ARL5C: variants seen among roughly 807,000 people sequenced by gnomAD.
ARL5C encodes the protein putative ADP-ribosylation factor-like protein 5C.
A neutral mutation model predicts 20.8 loss-of-function variants in ARL5C; 21 were observed. The ratio of observed to expected loss-of-function variants is 1.01; its 90% CI spans 0.72 to 1.46. The LOEUF is 1.46. ARL5C is among the 40% of genes most tolerant of loss of function. The probability of loss-of-function intolerance (pLI) is 0.00; values close to 1 mark genes in which losing one functional copy is unlikely to be tolerated. For missense variants in ARL5C, 199 were observed against 225.1 expected, an observed-to-expected ratio of 0.88 and a Z score of 0.74; for synonymous variants, 71 against 81.6, an observed-to-expected ratio of 0.87 and a Z score of 0.70.
Position 39,162,771 on chromosome 17 carries a change from C to T in ARL5C, c.195G>A (p.Trp65Ter). ...IILPKTHFFMWDIVRPEALSF... is the reference protein window; with the variant it reads ...IILPKTHFFM ...TCAGAGCCTCAGGTCTCACTATGTC[C>T]CACATGAAGAAGTGGGTCTTCGGCA... The change falls in exon 3 of 6, where the codon TGG becomes TGA. Residue 65 changes from tryptophan to a stop codon, truncating the protein, a stop_gained. Coordinates refer to ENST00000269586, the MANE Select transcript of ARL5C (RefSeq NM_001143968.1). LOFTEE classifies it high-confidence loss of function. 6.4e-7 allele frequency: 1 copy of T among 1,551,676 alleles called. No individual in the cohort carries two copies. The highest frequency in any genetic ancestry group is 1.7e-4 in the Middle Eastern group (1 of 5,956).
At chr17:39,165,571 AG>A in intron 1 of ARL5C, 143 bp downstream of exon 1, 1 of 989,396 alleles carries the variant, frequency 1.0e-6, no homozygotes, top group Non-Finnish European at 1.5e-6. Flanking sequence ...GGACGGGGGC[AG>A]GGGAGGCCGC....
chr17:39,164,983 C>T, intron 2 of ARL5C, 96 bp downstream of exon 2: 2 of 1,331,948 alleles, frequency 1.5e-6, no homozygotes, highest in Non-Finnish European at 2.1e-6. Context: ...CAGAGGAGCC[C>T]GGGAACCCAG....
intron 2 of ARL5C, chr17:39,164,323 G>T (rs2045452382): frequency 6.6e-6 from 1 of 152,174 alleles, no homozygotes; most frequent in South Asian, 2.1e-4. Context: ...AAATGAGACA[G>T]ACACAGTGAG....
chr17:39,160,301 C>T (rs1267308397), intron 5 of ARL5C: 3 of 289,388 alleles, frequency 1.0e-5, no homozygotes, highest in Non-Finnish European at 1.9e-5. Context: ...CCAGCCTGGG[C>T]AACAAAGAGC....
At chr17:39,165,616 G>A (rs574389054) in intron 1 of ARL5C, 99 bp downstream of exon 1, 111 of 1,479,414 alleles carry the variant, frequency 7.5e-5, no homozygotes, top group Non-Finnish European at 9.3e-5. Context: ...TACGACCCTC[G>A]GAGCCCGAGG....
At chr17:39,163,345 C>CCTTCCTTTCTTTCTTTCTTTCTTT (rs1555576104) in intron 2 of ARL5C, among the ~76,000 whole-genome samples, 8 of 136,740 alleles carry the variant, frequency 5.9e-5, no homozygotes, top group South Asian at 2.6e-4. Flanking sequence ...CAGGCTTTTG[C>CCTTCCTTTCTTTCTTTCTTTCTTT]CTTTCTTTCT....
At chr17:39,164,149 C>A (rs1209207019) in intron 2 of ARL5C, 1 of 152,050 alleles carries the variant, frequency 6.6e-6, no homozygotes, top group African/African-American at 2.4e-5. Flanking sequence ...CTCTTGAACT[C>A]CTGATCTCAG....
chr17:39,158,969 T>C (rs2045420203), intron 5 of ARL5C, among the ~76,000 whole-genome samples: 1 of 149,520 alleles, frequency 6.7e-6, no homozygotes, highest in Non-Finnish European at 1.5e-5. Context: ...TGAACCACCA[T>C]GCTGGCCCAA....
At chr17:39,162,920 A>G in intron 2 of ARL5C, 62 bp from the exon 3 acceptor site, 1 of 1,524,074 alleles carries the variant, frequency 6.6e-7, no homozygotes, top group South Asian at 1.2e-5. Flanking sequence ...CTGGCCCCCA[A>G]ATGCTCTACT....
At chr17:39,157,219 C>T (rs1200617557) in intron 5 of ARL5C, among the ~76,000 whole-genome samples, 3 of 152,178 alleles carry the variant, frequency 2.0e-5, no homozygotes, top group Admixed American at 6.5e-5. Context: ...TCTGTAATTA[C>T]ATACTGTGAT....
Position 39,165,110 on chromosome 17 carries a change from T to C in ARL5C, c.76A>G (p.Asn26Asp), listed in dbSNP as rs1392846001. 1.3e-6 allele frequency: 2 copies of C among 1,551,560 alleles called. No homozygotes were observed. Among genetic ancestry groups the C allele is most frequent in the Admixed American group, 2.0e-5 (1 of 50,974 alleles). Residue 26 changes from asparagine to aspartate, a missense_variant, in exon 2 of 6, where the codon AAT becomes GAT. Asn to Asp is a conservative substitution (Grantham distance 23, BLOSUM62 1). Coordinates refer to ENST00000269586, the MANE Select transcript of ARL5C (RefSeq NM_001143968.1). ...TAGAGAATGGTGGTCTTTCCTTCAT[T>C]GTCCAGTCCCACGATGATGACCGTG... ...EHTVIIVGLD[N>D]EGKTTILYRF...
intron 5 of ARL5C, among the ~76,000 whole-genome samples, chr17:39,157,535 A>G (rs2045411269): frequency 1.3e-5 from 2 of 152,174 alleles, no homozygotes; most frequent in South Asian, 4.1e-4. Context: ...CACGCCTTTA[A>G]TCCCAGCACT....
chr17:39,160,549 G>T (rs1379946203), intron 5 of ARL5C, 42 bp downstream of exon 5: 1 of 1,546,892 alleles, frequency 6.5e-7, no homozygotes, highest in Non-Finnish European at 8.7e-7. Flanking sequence ...TCATCCATTG[G>T]TTCAGCCAGG....
intron 5 of ARL5C, chr17:39,160,297 T>C (rs1281544883): frequency 1.7e-5 from 5 of 291,308 alleles, no homozygotes; most frequent in African/African-American, 1.2e-4. Context: ...CACTCCAGCC[T>C]GGGCAACAAA....
At chr17:39,160,411 A>G in intron 5 of ARL5C, 180 bp downstream of exon 5, 1 of 628,908 alleles carries the variant, frequency 1.6e-6, no homozygotes, top group East Asian at 2.9e-5. Flanking sequence ...GAGAGCAGGG[A>G]TGCTGTCTGC....
intron 2 of ARL5C, among the ~76,000 whole-genome samples, chr17:39,163,374 C>CTTTCTT (rs1567781410): frequency 1.4e-5 from 2 of 140,250 alleles, no homozygotes; most frequent in African/African-American, 3.1e-5. Context: ...TTCTTTCTTT[C>CTTTCTT]TTTCTTTCTT....
At position 39,162,743 on chromosome 17, in the gene ARL5C, A is replaced by C; in HGVS notation, c.223T>G (p.Phe75Val). ...TTGGAGTAGTATGTGTTCCAGATAA[A>C]GCTCAGAGCCTCAGGTCTCACTATG... ...WDIVRPEALS[F>V]IWNTYYSNTE... Residue 75 changes from phenylalanine (F) to valine (V), a missense_variant, in exon 3 of 6, where the codon TTT (phenylalanine) becomes GTT (valine). By Grantham distance (50) the Phe-to-Val change is conservative (BLOSUM62 -1). Coordinates refer to ENST00000269586, the MANE Select transcript of ARL5C (RefSeq NM_001143968.1). 2 of 1,551,680 alleles carry C rather than the reference A, an allele frequency of 1.3e-6. No homozygotes were observed. Among genetic ancestry groups the C allele is most frequent in the Non-Finnish European group, 1.7e-6 (2 of 1,146,984 alleles).
chr17:39,165,613 C>A, intron 1 of ARL5C, 102 bp downstream of exon 1: 1 of 1,466,032 alleles, frequency 6.8e-7, no homozygotes, highest in Non-Finnish European at 9.3e-7. Flanking sequence ...ATATACGACC[C>A]TCGGAGCCCG....
In ARL5C at chr17:39,160,752, G is replaced by A; in HGVS notation, c.340-10C>T. 2 of 1,550,660 alleles carry A rather than the reference G, an allele frequency of 1.3e-6. No individual in the cohort carries two copies. Among genetic ancestry groups the A allele is most frequent in the Non-Finnish European group, 1.7e-6 (2 of 1,146,876 alleles). Reference sequence around the variant, plus strand: ...AAGCATCCTGTAGAGCCTGTGGACAGAGGAGCCCAGCCCCAGTCAGCCTGC... The same window carrying A: ...AAGCATCCTGTAGAGCCTGTGGACAAAGGAGCCCAGCCCCAGTCAGCCTGC... On this transcript the variant is annotated splice_polypyrimidine_tract_variant and intron_variant, in intron 4 of 5. Transcript: ENST00000269586.
Sources: allele counts gnomAD v4.1 joint callset (sites outside exome capture counted in the v4.1 genomes callset), GRCh38; gene constraint gnomAD v4.1.1; transcripts MANE v1.5; gene names NCBI Gene and HGNC (gene_info 2026-07-23, HGNC 2026-07-21).